Variants in DSCAM observed in about 807,000 individuals in gnomAD.
DSCAM encodes cell adhesion molecule DSCAM.
A neutral mutation model predicts 217.7 loss-of-function variants in DSCAM; 47 were observed. The ratio of observed to expected loss-of-function variants is 0.22; its 90% CI spans 0.17 to 0.28. The LOEUF (loss-of-function observed/expected upper bound fraction) is 0.28, where lower values mean the gene tolerates loss of function less well. DSCAM is among the 10% of genes least tolerant of loss of function. The pLI, the probability that DSCAM is intolerant of heterozygous loss-of-function variation, is 1.00. For missense variants in DSCAM, 2,080 were observed against 2,618.3 expected (o/e 0.79, Z 4.49); for synonymous variants, 1,056 against 1,015.3 (o/e 1.04, Z -0.76).
At chr21:40,509,696 T>A (rs2837667) in intron 3 of DSCAM, among the ~76,000 whole-genome samples, 13,400 of 152,134 alleles carry the variant, frequency 0.088, 690 homozygotes, top group Middle Eastern at 0.16. Flanking sequence ...TGTAATCACA[T>A]TAAAAAACAG....
chr21:40,410,880 G>A (rs1010334029), intron 3 of DSCAM, among the ~76,000 whole-genome samples: 1 of 152,082 alleles, frequency 6.6e-6, no homozygotes, highest in Non-Finnish European at 1.5e-5. Flanking sequence ...CTGGCAGAAA[G>A]AAAAGAACAT....
In DSCAM at chr21:40,674,691, G is replaced by A; in HGVS notation, c.508+18119C>T. Among the ~76,000 whole-genome samples, 2 of 142,298 alleles carry A rather than the reference G, an allele frequency of 1.4e-5. 1 individual carries two copies. The allele number at this position is 142,298 out of a possible 152,430, so 93.4% of individuals were successfully genotyped here. On this transcript the variant is annotated intron_variant, in intron 3 of 32. Coordinates refer to ENST00000400454, the MANE Select transcript of DSCAM (RefSeq NM_001389.5). ...TTTGTCTCCCAGGCTGGAGTGCAGT[G>A]GCGCGATCTCGGCTCACTGCAAGCT...
At chr21:40,619,929 C>A (rs1601794551) in intron 3 of DSCAM, among the ~76,000 whole-genome samples, 2 of 108,664 alleles carry the variant, frequency 1.8e-5, no homozygotes, top group Non-Finnish European at 3.7e-5. Context: ...AGTAGAATGG[C>A]AAGAAAGGAG....
chr21:40,197,787 G>C (rs2091028711), intron 11 of DSCAM, among the ~76,000 whole-genome samples: 1 of 152,104 alleles, frequency 6.6e-6, no homozygotes. Context: ...AGTGGAGAAG[G>C]GATTCTTAAT....
chr21:40,192,786 C>T (rs1485218587), intron 11 of DSCAM, among the ~76,000 whole-genome samples: 1 of 152,124 alleles, frequency 6.6e-6, no homozygotes, highest in Non-Finnish European at 1.5e-5. Context: ...TATTGCAGCA[C>T]ACGGATATAC....
chr21:40,416,450 T>C (rs985628651), intron 3 of DSCAM, among the ~76,000 whole-genome samples: 1 of 152,220 alleles, frequency 6.6e-6, no homozygotes, highest in Non-Finnish European at 1.5e-5. Flanking sequence ...CTTGTTGAAG[T>C]TATCTAATAA....
chr21:40,637,516 AATATATATAAATATATACATATATAC>A, intron 3 of DSCAM, among the ~76,000 whole-genome samples: 1 of 16,528 alleles, frequency 6.1e-5, no homozygotes, highest in African/African-American at 2.2e-4. Flanking sequence ...TAAATATATA[AATATATATAAATATATACATATATAC>A]ATATATATAA....
At chr21:40,099,279 A>C (rs1289469521) in intron 20 of DSCAM, among the ~76,000 whole-genome samples, 2 of 152,270 alleles carry the variant, frequency 1.3e-5, no homozygotes, top group African/African-American at 4.8e-5. Flanking sequence ...AAAATCAACA[A>C]TAAAATATGA....
intron 16 of DSCAM, among the ~76,000 whole-genome samples, chr21:40,165,856 G>A (rs1164300057): frequency 6.6e-6 from 1 of 152,048 alleles, no homozygotes; most frequent in African/African-American, 2.4e-5. Context: ...GGGAATGCGT[G>A]TGGGGTTATG....
At chr21:40,260,850 T>C (rs1335335408) in intron 11 of DSCAM, among the ~76,000 whole-genome samples, 2 of 152,176 alleles carry the variant, frequency 1.3e-5, no homozygotes, top group African/African-American at 4.8e-5. Flanking sequence ...TTAAAAATGA[T>C]TACATGATAA....
rs191769629 is a variant in DSCAM, at chr21:40,146,719, T to A, written c.3019-1988A>T. ...CGCGTAAACCATTTATTTATTTGTA[T>A]CTGTTGGCTCGGAGTTAGACCCTGG... On this transcript the variant is annotated intron_variant, in intron 16 of 32. Transcript: ENST00000400454. Among the ~76,000 whole-genome samples, 141 of 152,326 alleles carry A rather than the reference T, an allele frequency of 9.3e-4. 1 individual carries two copies. The highest frequency in any genetic ancestry group is 3.2e-3 in the African/African-American group (135 of 41,574).
chr21:40,099,973 G>C (rs1457174039), intron 20 of DSCAM, among the ~76,000 whole-genome samples: 3 of 152,156 alleles, frequency 2.0e-5, no homozygotes, highest in African/African-American at 7.2e-5. Context: ...GCAGAGGTTA[G>C]CCCTGCTCAC....
intron 1 of DSCAM, among the ~76,000 whole-genome samples, chr21:40,766,838 T>C (rs2091397056): frequency 6.6e-6 from 1 of 151,916 alleles, no homozygotes. Context: ...TACAGGTGCA[T>C]GCCACCATGC....
intron 20 of DSCAM, among the ~76,000 whole-genome samples, chr21:40,116,622 T>C (rs773663376): frequency 5.3e-5 from 8 of 151,554 alleles, no homozygotes; most frequent in Non-Finnish European, 8.8e-5. Context: ...TCATTACATG[T>C]GCGTAAATGG....
At chr21:40,446,015 T>C (rs1361831261) in intron 3 of DSCAM, among the ~76,000 whole-genome samples, 1 of 152,194 alleles carries the variant, frequency 6.6e-6, no homozygotes, top group Non-Finnish European at 1.5e-5. Context: ...TGCCTGTATA[T>C]TAGAGTTTCA....
chr21:40,038,000 T>A (rs1463159940), intron 32 of DSCAM, among the ~76,000 whole-genome samples: 1 of 146,752 alleles, frequency 6.8e-6, no homozygotes, highest in Non-Finnish European at 1.5e-5. Flanking sequence ...TCCTTACACC[T>A]TATACAAAAA....
In DSCAM at chr21:40,620,073, AAGAGAAAAAAGAAAGAG is replaced by A. The variant is rs2089466319; in HGVS notation, c.508+72720_508+72736del. ...AAAAAGAAAAAGAAAGAAAGAGAGA[AAGAGAAAAAAGAAAGAG>A]AGAGAAAGAGAGAGAAAAAAGAAAA... On this transcript the variant is annotated intron_variant, in intron 3 of 32. Transcript: ENST00000400454. 4.4e-5 allele frequency among the ~76,000 whole-genome samples: 3 copies of A among 68,562 alleles called. 1 individual carries two copies. The highest frequency in any genetic ancestry group is 9.3e-5 in the Non-Finnish European group (3 of 32,196). 45.0% of individuals were successfully genotyped at this position (68,562 alleles called of 152,430 possible). A position where few individuals can be genotyped will look rare whatever the true frequency, so the allele number is the denominator to read the frequency against.
chr21:40,330,214 T>C (rs2074361831), intron 8 of DSCAM, among the ~76,000 whole-genome samples: 1 of 149,266 alleles, frequency 6.7e-6, no homozygotes, highest in African/African-American at 2.4e-5. Context: ...AAAATCAATA[T>C]GTAATGTAAT....
chr21:40,106,259 G>C (rs1479793570), intron 20 of DSCAM, among the ~76,000 whole-genome samples: 2 of 152,146 alleles, frequency 1.3e-5, no homozygotes, highest in East Asian at 3.9e-4. Flanking sequence ...CTTCCACCGG[G>C]TCTTTCCCAT....
Sources: allele counts gnomAD v4.1 joint callset (sites outside exome capture counted in the v4.1 genomes callset), GRCh38; gene constraint gnomAD v4.1.1; transcripts MANE v1.5; gene names NCBI Gene and HGNC (gene_info 2026-07-23, HGNC 2026-07-21).